UTS2: variants seen among roughly 807,000 people sequenced by gnomAD.
UTS2 encodes the protein urotensin-2.
Under a neutral mutation model 12.6 loss-of-function variants are expected in UTS2, and 10 were observed. That is an observed-to-expected ratio of 0.80 (90% confidence interval 0.49 to 1.35). The LOEUF is 1.35. Ranked by LOEUF, UTS2 falls within the 40% of genes most tolerant of loss-of-function variation. The pLI, the probability that UTS2 is intolerant of heterozygous loss-of-function variation, is 0.00. For synonymous variants in UTS2, 52 were observed against 50.0 expected, an observed-to-expected ratio of 1.04 and a Z score of -0.17; for missense variants, 142 against 143.2, an observed-to-expected ratio of 0.99 and a Z score of 0.04.
At chr1:7,848,139 G>A (rs1323290585) in intron 3 of UTS2, among the ~76,000 whole-genome samples, 2 of 152,072 alleles carry the variant, frequency 1.3e-5, no homozygotes, top group Non-Finnish European at 2.9e-5. Context: ...AACCCTCATT[G>A]ACCGATTTCT....
chr1:7,885,909 G>C, the UTS2 span, among the ~76,000 whole-genome samples: 1 of 68,010 alleles, frequency 1.5e-5, no homozygotes, highest in African/African-American at 7.7e-5. Flanking sequence ...GGGGTGGGGT[G>C]GGGGGGGGCG....
At chr1:7,897,181 G>T in the UTS2 span, among the ~76,000 whole-genome samples, 1 of 152,290 alleles carries the variant, frequency 6.6e-6, no homozygotes, top group East Asian at 1.9e-4. Context: ...AGTTCTTGGG[G>T]ATATTCCTGT....
rs548128565 is a variant in UTS2, at chr1:7,849,514, C to T, written c.258+126G>A. On this transcript the variant is annotated intron_variant, in intron 3 of 3. Coordinates refer to ENST00000361696, the MANE Select transcript of UTS2 (RefSeq NM_006786.4). ...GCATGAGCTACCGCGCCTGGTCATG[C>T]TGGCCAATTATTTTAAGGTGTGGTT... is the stretch of plus-strand genomic sequence containing the variant. 5.6e-6 allele frequency: 5 copies of T among 889,790 alleles called. No homozygotes were observed. The African/African-American group carries it at 8.8e-5, about 16-fold the overall frequency. 55.1% of individuals were successfully genotyped at this position (889,790 alleles called of 1,614,324 possible).
At chr1:7,869,434 T>C in the UTS2 span, among the ~76,000 whole-genome samples, 1 of 152,140 alleles carries the variant, frequency 6.6e-6, no homozygotes, top group Non-Finnish European at 1.5e-5. Flanking sequence ...GGTGAGCACG[T>C]GGGGAAAGGG....
the UTS2 span, among the ~76,000 whole-genome samples, chr1:7,884,302 A>AT: frequency 0.61 from 85,015 of 140,146 alleles, 26,016 homozygotes; most frequent in African/African-American, 0.65. Context: ...ATAACATCTG[A>AT]TTTTTTTTTT....
chr1:7,906,451 G>GAAAGAAAGA, the UTS2 span, among the ~76,000 whole-genome samples: 1 of 80,324 alleles, frequency 1.2e-5, no homozygotes. Flanking sequence ...AAGAAAAAGA[G>GAAAGAAAGA]AAAGAAAGAA....
the UTS2 span, among the ~76,000 whole-genome samples, chr1:7,861,026 A>C: frequency 6.9e-6 from 1 of 145,096 alleles, no homozygotes; most frequent in South Asian, 2.3e-4. Flanking sequence ...TGGGTGACAG[A>C]GCAAGGCCTT....
At chr1:7,852,226 T>C (rs1314826457) in intron 1 of UTS2, among the ~76,000 whole-genome samples, 1 of 152,168 alleles carries the variant, frequency 6.6e-6, no homozygotes, top group Admixed American at 6.6e-5. Flanking sequence ...TCTAGTTAAG[T>C]TTTTGATGGA....
the UTS2 span, among the ~76,000 whole-genome samples, chr1:7,876,117 GC>G: frequency 6.6e-6 from 1 of 152,176 alleles, no homozygotes; most frequent in Non-Finnish European, 1.5e-5. Context: ...GGATTGATCT[GC>G]CCCCCTGCTG....
At chr1:7,872,828 A>C in the UTS2 span, among the ~76,000 whole-genome samples, 1 of 152,214 alleles carries the variant, frequency 6.6e-6, no homozygotes, top group Admixed American at 6.5e-5. Context: ...TTCCGTGTAG[A>C]TAAACCAGCC....
chr1:7,880,797 C>T, the UTS2 span, among the ~76,000 whole-genome samples: 1 of 152,170 alleles, frequency 6.6e-6, no homozygotes, highest in South Asian at 2.1e-4. Flanking sequence ...ACTCATTTCA[C>T]AAGGCCAGCA....
At chr1:7,891,699 A>G in the UTS2 span, among the ~76,000 whole-genome samples, 6 of 152,200 alleles carry the variant, frequency 3.9e-5, no homozygotes, top group African/African-American at 7.2e-5. Flanking sequence ...TCCACAATGT[A>G]TAGATATTCT....
chr1:7,851,854 C>A (rs2097414501), intron 1 of UTS2, among the ~76,000 whole-genome samples: 1 of 152,224 alleles, frequency 6.6e-6, no homozygotes, highest in South Asian at 2.1e-4. Flanking sequence ...AGATGCTACA[C>A]TCATTTCATC....
the UTS2 span, among the ~76,000 whole-genome samples, chr1:7,893,427 C>A: frequency 6.6e-6 from 1 of 152,028 alleles, no homozygotes; most frequent in East Asian, 1.9e-4. Flanking sequence ...CTTGATCCCA[C>A]GTTGCAGTGA....
the UTS2 span, among the ~76,000 whole-genome samples, chr1:7,907,449 G>C: frequency 0.011 from 1,633 of 151,760 alleles, 34 homozygotes; most frequent in African/African-American, 0.037. Flanking sequence ...GAGTTTGAGA[G>C]CAGCAGGGCA....
chr1:7,853,398 C>G, upstream of UTS2: 1 of 1,614,076 alleles, frequency 6.2e-7, no homozygotes, highest in Non-Finnish European at 8.5e-7. Flanking sequence ...GCAGAAGTGA[C>G]GCAGAGCATA....
the UTS2 span, among the ~76,000 whole-genome samples, chr1:7,870,145 G>T: frequency 1.3e-5 from 2 of 152,156 alleles, 1 homozygote; most frequent in East Asian, 3.8e-4. Flanking sequence ...ATATGTTGAA[G>T]GTCTAACCCC....
chr1:7,866,303 T>C, the UTS2 span, among the ~76,000 whole-genome samples: 1 of 152,128 alleles, frequency 6.6e-6, no homozygotes, highest in Non-Finnish European at 1.5e-5. This position sits in a 1 kb window ranked among gnomAD's most constrained non-coding sequence, Gnocchi z 4.5. Flanking sequence ...AGAGCTTCCA[T>C]TCAGCCTCAC....
chr1:7,871,714 A>C, the UTS2 span, among the ~76,000 whole-genome samples: 2 of 151,928 alleles, frequency 1.3e-5, no homozygotes, highest in South Asian at 4.2e-4. Context: ...ACTCTTTCTT[A>C]TTATTATATC....
Sources: gnomAD v4.1 joint callset for allele counts (sites outside exome capture counted in the v4.1 genomes callset) on GRCh38, gnomAD v4.1.1 for gene constraint, Gnocchi (gnomAD v3.1) non-coding constraint, MANE v1.5 for transcripts, NCBI Gene and HGNC (gene_info 2026-07-23, HGNC 2026-07-21) for gene names.